PRKD1: variants seen among roughly 807,000 people sequenced by gnomAD.
The protein encoded by PRKD1 is protein kinase D1, also known as serine/threonine-protein kinase D1.
In PRKD1, 63 loss-of-function variants were observed where a neutral mutation model predicts 95.9. The ratio of observed to expected loss-of-function variants is 0.66; its 90% CI spans 0.54 to 0.81. PRKD1 has a LOEUF of 0.81. Among genes scored for constraint, PRKD1 ranks in the 30% least tolerant of loss-of-function variants. The pLI, the probability that PRKD1 is intolerant of heterozygous loss-of-function variation, is 0.00. For missense variants in PRKD1, 1,048 were observed against 1,165.3 expected, an observed-to-expected ratio of 0.90 and a Z score of 1.47; for synonymous variants, 425 against 423.1, an observed-to-expected ratio of 1.00 and a Z score of -0.05.
chr14:29,624,218 G>A lies in PRKD1; in HGVS notation c.1839C>T (p.Ile613=). The part of the protein sequence containing the change: ...RKTGRDVAIK[I]IDKLRFPTKQ... ...TTGTTGGAAATCGTAATTTGTCAAT[G>A]ATTTTAATAGCTACATCTCTTCCTG... Residue 613 remains isoleucine (I), a synonymous_variant, in exon 13 of 18, where the codon ATC becomes ATT. Coordinates refer to ENST00000331968, the MANE Select transcript of PRKD1 (RefSeq NM_002742.3). 6.2e-7 allele frequency: 1 copy of A among 1,605,364 alleles called. No homozygotes were observed. Among genetic ancestry groups the A allele is most frequent in the South Asian group, 1.1e-5 (1 of 89,764 alleles).
At chr14:29,763,483 GAGGA>G (rs1330189431) in intron 1 of PRKD1, among the ~76,000 whole-genome samples, 3 of 105,902 alleles carry the variant, frequency 2.8e-5, no homozygotes, top group Non-Finnish European at 6.0e-5. Flanking sequence ...GGAGGAGAGG[GAGGA>G]AGGGAGGGAG....
intron 1 of PRKD1, among the ~76,000 whole-genome samples, chr14:29,888,352 T>C (rs1292762068): frequency 1.3e-5 from 2 of 148,786 alleles, no homozygotes; most frequent in East Asian, 4.0e-4. Context: ...AAAGAGAAAA[T>C]AAAGAAAAAC....
At chr14:29,876,989 T>C (rs1030533097) in intron 1 of PRKD1, among the ~76,000 whole-genome samples, 7 of 152,104 alleles carry the variant, frequency 4.6e-5, no homozygotes, top group Admixed American at 3.9e-4. Flanking sequence ...CCGTGTCTAC[T>C]AAAAATACAA....
At chr14:29,918,200 A>G (rs1028943034) in intron 1 of PRKD1, among the ~76,000 whole-genome samples, 13 of 152,194 alleles carry the variant, frequency 8.5e-5, no homozygotes, top group Admixed American at 4.6e-4. Context: ...ACATGTACCA[A>G]AACATTATAT....
intron 1 of PRKD1, among the ~76,000 whole-genome samples, chr14:29,832,242 T>C (rs1441357241): frequency 1.3e-5 from 2 of 152,188 alleles, no homozygotes; most frequent in East Asian, 1.9e-4. Context: ...CATGACATCA[T>C]CAAAACTCTT....
In PRKD1 at chr14:29,785,229, AT is replaced by A. The variant is rs370902076; in HGVS notation, c.265-59556del. Among the ~76,000 whole-genome samples, 400 of 152,296 alleles carry A rather than the reference AT, an allele frequency of 2.6e-3. 1 individual carries two copies. Among genetic ancestry groups the A allele is most frequent in the African/African-American group, 9.3e-3 (386 of 41,558 alleles). ...GGAGGTTTGTAAACTGATATTGCCAATAAAGACCTCTTTTCTACTACTTAGC... is the reference window on the plus strand; with the variant it reads ...GGAGGTTTGTAAACTGATATTGCCAAAAAGACCTCTTTTCTACTACTTAGC... On this transcript the variant is annotated intron_variant, in intron 1 of 17. Transcript: ENST00000331968.
chr14:29,894,060 T>G (rs572137505), intron 1 of PRKD1, among the ~76,000 whole-genome samples: 1 of 152,286 alleles, frequency 6.6e-6, no homozygotes, highest in East Asian at 1.9e-4. Context: ...AAAGAAAAAT[T>G]CAGTGAGAAA....
intron 1 of PRKD1, among the ~76,000 whole-genome samples, chr14:29,879,570 T>C (rs1383809981): frequency 1.3e-5 from 2 of 152,068 alleles, no homozygotes; most frequent in East Asian, 3.9e-4. Context: ...TACACTAAAT[T>C]TGTACTGGGA....
intron 1 of PRKD1, among the ~76,000 whole-genome samples, chr14:29,845,366 G>C (rs2139325937): frequency 6.6e-6 from 1 of 152,236 alleles, no homozygotes; most frequent in East Asian, 1.9e-4. Context: ...CATGTTTAAA[G>C]TATTTACCAC....
At chr14:29,708,665 C>T (rs190451742) in intron 2 of PRKD1, among the ~76,000 whole-genome samples, 1 of 152,084 alleles carries the variant, frequency 6.6e-6, no homozygotes, top group African/African-American at 2.4e-5. Context: ...CCAGTCTGGG[C>T]AACATGGCAA....
intron 1 of PRKD1, among the ~76,000 whole-genome samples, chr14:29,887,257 T>G: frequency 6.6e-6 from 1 of 152,242 alleles, no homozygotes; most frequent in East Asian, 1.9e-4. Flanking sequence ...TCCCTGCCGC[T>G]ACTGCTCTCT....
chr14:29,880,493 C>T (rs76362578), intron 1 of PRKD1, among the ~76,000 whole-genome samples: 1,556 of 152,216 alleles, frequency 0.01, 21 homozygotes, highest in African/African-American at 0.036. Flanking sequence ...ACTTGGAGGG[C>T]CCTCATGGAG....
At position 29,636,333 on chromosome 14, in the gene PRKD1, G is replaced by C; in HGVS notation, c.1147C>G (p.Gln383Glu). ...TCCTCGTGGTCTGGGTCTGGATCTT[G>C]CATCTCGCCACTGTCGTTCTGGCAC... Reference protein sequence around the residue: ...AECQNDSGEMQDPDPDHEDAN... With the variant: ...AECQNDSGEMEDPDPDHEDAN... The change falls in exon 7 of 18, where the codon CAA becomes GAA. Residue 383 changes from glutamine (Q) to glutamate (E), a missense_variant. Transcript: ENST00000331968. 6.2e-7 allele frequency: 1 copy of C among 1,614,186 alleles called. No homozygotes were observed. The highest frequency in any genetic ancestry group is 8.5e-7 in the Non-Finnish European group (1 of 1,180,036).
intron 1 of PRKD1, among the ~76,000 whole-genome samples, chr14:29,831,570 G>A (rs1891415163): frequency 6.6e-6 from 1 of 151,038 alleles, no homozygotes; most frequent in Non-Finnish European, 1.5e-5. Flanking sequence ...CCAGGTTCAA[G>A]CGATTCTCCT....
chr14:29,687,867 C>T (rs987820670), intron 2 of PRKD1, among the ~76,000 whole-genome samples: 1 of 152,162 alleles, frequency 6.6e-6, no homozygotes, highest in Non-Finnish European at 1.5e-5. Flanking sequence ...ATTTGTCTGT[C>T]CATTTGCTGT....
At chr14:29,618,350 G>A (rs1272275738) in intron 13 of PRKD1, among the ~76,000 whole-genome samples, 1 of 151,646 alleles carries the variant, frequency 6.6e-6, no homozygotes, top group Admixed American at 6.6e-5. Context: ...CCTCCTGGAG[G>A]GTTCAAGTGA....
chr14:29,770,213 T>A (rs955591834), intron 1 of PRKD1, among the ~76,000 whole-genome samples: 1 of 152,216 alleles, frequency 6.6e-6, no homozygotes, highest in African/African-American at 2.4e-5. Context: ...CAGTCTAAGG[T>A]ATTTTGTTAT....
At position 29,638,579 on chromosome 14, in the gene PRKD1, A is replaced by G. The variant is rs1180943391; in HGVS notation, c.908-13T>C. On this transcript the variant is annotated splice_polypyrimidine_tract_variant and intron_variant, in intron 5 of 17. Transcript: ENST00000331968. ...TTGAATCTGCAATCTAATCCCAGTG[A>G]TTTTCAAACAAAACAAAATGAGAAT... The G allele has an allele frequency of 1.9e-6, 3 of 1,613,984 alleles. No homozygotes were observed. Among genetic ancestry groups the G allele is most frequent in the Non-Finnish European group, 2.5e-6 (3 of 1,179,960 alleles).
intron 2 of PRKD1, among the ~76,000 whole-genome samples, chr14:29,688,059 C>G (rs1883986499): frequency 6.6e-6 from 1 of 152,196 alleles, no homozygotes; most frequent in Non-Finnish European, 1.5e-5. Flanking sequence ...AAACTGTCAG[C>G]AGTCTGCATT....
Sources: allele counts gnomAD v4.1 joint callset (sites outside exome capture counted in the v4.1 genomes callset), GRCh38; gene constraint gnomAD v4.1.1; transcripts MANE v1.5; gene names NCBI Gene and HGNC (gene_info 2026-07-23, HGNC 2026-07-21).